The following PDE4D variants were observed in gnomAD, a reference collection of about 807,000 sequenced individuals.
The protein encoded by PDE4D is phosphodiesterase 4D.
A neutral mutation model predicts 87.4 loss-of-function variants in PDE4D; 24 were observed. The observed-to-expected ratio is 0.27, with a 90% CI of 0.20 to 0.39. The LOEUF (loss-of-function observed/expected upper bound fraction) is 0.39. PDE4D is among the 10% of genes least tolerant of loss of function. PDE4D has a pLI of 1.00. For missense variants in PDE4D, 714 were observed against 1,041.0 expected (o/e 0.69, Z 4.32); for synonymous variants, 384 against 383.2 (o/e 1.00, Z -0.02).
At chr5:59,668,232 G>A (rs1429940991) in intron 1 of PDE4D, among the ~76,000 whole-genome samples, 1 of 152,160 alleles carries the variant, frequency 6.6e-6, no homozygotes, top group Non-Finnish European at 1.5e-5. Context: ...TAATTAAAAT[G>A]AGCAAAAACT....
intron 2 of PDE4D, among the ~76,000 whole-genome samples, chr5:60,068,459 A>T (rs7731483): frequency 0.015 from 2,305 of 151,904 alleles, 67 homozygotes; most frequent in African/African-American, 0.053. Context: ...TTTTATTTTA[A>T]CTAATAACCT....
chr5:59,325,102 G>C (rs1389170169), intron 1 of PDE4D, among the ~76,000 whole-genome samples: 2 of 152,100 alleles, frequency 1.3e-5, no homozygotes, highest in African/African-American at 4.8e-5. Context: ...GATGATCACA[G>C]AAATCCTACT....
At chr5:60,113,632 G>A (rs1165525190) in intron 2 of PDE4D, among the ~76,000 whole-genome samples, 1 of 152,006 alleles carries the variant, frequency 6.6e-6, no homozygotes, top group African/African-American at 2.4e-5. Flanking sequence ...CCATGACATT[G>A]GAAGAAATAT....
At chr5:60,050,389 C>T (rs1649267962) in intron 2 of PDE4D, among the ~76,000 whole-genome samples, 1 of 150,364 alleles carries the variant, frequency 6.7e-6, no homozygotes, top group Admixed American at 6.6e-5. Flanking sequence ...TGGCTCCTCC[C>T]CCAGGAAAAG....
At chr5:59,924,031 T>C (rs1754974143) in intron 3 of PDE4D, among the ~76,000 whole-genome samples, 1 of 152,304 alleles carries the variant, frequency 6.6e-6, no homozygotes, top group African/African-American at 2.4e-5. Context: ...ATTTAACAAA[T>C]AGATTGAAAT....
intron 1 of PDE4D, chr5:60,372,393 ATGG>A (rs1040231390): frequency 6.6e-6 from 1 of 152,204 alleles, no homozygotes; most frequent in African/African-American, 2.4e-5. Context: ...GCCTTTCTCA[ATGG>A]TCCACCAATT....
Position 58,988,582 on chromosome 5 carries a change from G to A in PDE4D, c.1463C>T (p.Thr488Ile). The A allele has an allele frequency of 6.8e-7, 1 of 1,480,220 alleles. No homozygotes were observed. The allele number at this position is 1,480,220 out of a possible 1,614,324, so 91.7% of individuals were successfully genotyped here. A position where few individuals can be genotyped will look rare whatever the true frequency, so the allele number is the denominator to read the frequency against. The change falls in exon 11 of 15, where the codon ACA (threonine) becomes ATA (isoleucine). Residue 488 changes from threonine (T) to isoleucine (I), a missense_variant. By Grantham distance (89) the Thr-to-Ile change is moderately conservative. Coordinates refer to ENST00000340635, the MANE Select transcript of PDE4D (RefSeq NM_001104631.2). ...AATTGCTGCAAGAATCTCCAAATCT[G>A]TAAACACAGCCTGGAAAATCAGACA... is the stretch of plus-strand genomic sequence containing the variant. ...LSTPALEAVF[T>I]DLEILAAIFA...
At chr5:59,619,123 C>T (rs1281892971) in intron 1 of PDE4D, among the ~76,000 whole-genome samples, 2 of 152,010 alleles carry the variant, frequency 1.3e-5, no homozygotes, top group East Asian at 1.9e-4. Flanking sequence ...ATTGATTGGA[C>T]ATGAGGGATA....
In PDE4D at chr5:59,123,886, G is replaced by C. The variant is rs571154633; in HGVS notation, c.808+56709C>G. Among the ~76,000 whole-genome samples, 3 of 152,108 alleles carry C rather than the reference G, an allele frequency of 2.0e-5. No homozygotes were observed. The South Asian group carries it at 6.2e-4, about 32-fold the overall frequency. On this transcript the variant is annotated intron_variant, in intron 5 of 14. Coordinates refer to ENST00000340635, the MANE Select transcript of PDE4D (RefSeq NM_001104631.2). ...TAACACTTCTAAGCTACGTGACTCTGGGCAAGTTGCTTAAATTCCCTGAGC... is the reference window on the plus strand; with the variant it reads ...TAACACTTCTAAGCTACGTGACTCTCGGCAAGTTGCTTAAATTCCCTGAGC...
intron 1 of PDE4D, among the ~76,000 whole-genome samples, chr5:59,824,253 CT>C (rs1770051859): frequency 6.6e-6 from 1 of 152,170 alleles, no homozygotes; most frequent in African/African-American, 2.4e-5. Flanking sequence ...TTACATTCTT[CT>C]CTTTTATACA....
At chr5:59,366,513 T>C (rs1783084535) in intron 1 of PDE4D, among the ~76,000 whole-genome samples, 1 of 152,146 alleles carries the variant, frequency 6.6e-6, no homozygotes, top group Non-Finnish European at 1.5e-5. Context: ...TTTGGGATTC[T>C]CTGAAATAAG....
intron 2 of PDE4D, among the ~76,000 whole-genome samples, chr5:59,992,801 C>T (rs1032922496): frequency 6.6e-6 from 1 of 152,134 alleles, no homozygotes; most frequent in African/African-American, 2.4e-5. Context: ...TCTATAAATA[C>T]TTTTATCTTT....
intron 1 of PDE4D, among the ~76,000 whole-genome samples, chr5:60,224,801 A>T (rs1744896488): frequency 6.6e-6 from 1 of 151,790 alleles, no homozygotes; most frequent in Non-Finnish European, 1.5e-5. Flanking sequence ...GAGGAATTAG[A>T]CTCTGTCCCT....
intron 2 of PDE4D, among the ~76,000 whole-genome samples, chr5:60,014,065 C>G (rs1765277476): frequency 6.8e-6 from 1 of 148,124 alleles, no homozygotes; most frequent in African/African-American, 2.5e-5. Flanking sequence ...TGCACTCCAG[C>G]CTGGCAACAG....
chr5:58,997,311 T>C (rs1421122233), intron 6 of PDE4D, among the ~76,000 whole-genome samples: 1 of 152,078 alleles, frequency 6.6e-6, no homozygotes, highest in Non-Finnish European at 1.5e-5. Flanking sequence ...CATAGCTAGA[T>C]GTACTAAAAA....
chr5:59,723,179 T>C (rs1756100272), intron 1 of PDE4D, among the ~76,000 whole-genome samples: 1 of 152,060 alleles, frequency 6.6e-6, no homozygotes, highest in African/African-American at 2.4e-5. Flanking sequence ...TTCAATGTTC[T>C]TGGGTGACAG....
chr5:60,445,322 A>T (rs2150141093), intron 1 of PDE4D, among the ~76,000 whole-genome samples: 1 of 152,346 alleles, frequency 6.6e-6, no homozygotes, highest in Non-Finnish European at 1.5e-5. Context: ...GAATTATATT[A>T]AAAAACTAGA....
At chr5:60,071,531 T>C (rs192890283) in intron 2 of PDE4D, among the ~76,000 whole-genome samples, 98 of 152,280 alleles carry the variant, frequency 6.4e-4, no homozygotes, top group Non-Finnish European at 1.1e-3. Context: ...TCAAAAGATT[T>C]AGCCATCTGG....
chr5:59,416,408 G>T lies in PDE4D; in HGVS notation c.456-200440C>A, dbSNP rs566700676. On this transcript the variant is annotated intron_variant, in intron 1 of 14. Transcript: ENST00000340635. ...CTGTATGCCTGAATTTTTTTCCATG[G>T]GGGTTCGTTCGTAGTCTGATAGTGA... Among the ~76,000 whole-genome samples the T allele has an allele frequency of 2.0e-4, 31 of 152,116 alleles. No homozygotes were observed. In the South Asian group the frequency reaches 6.4e-3, roughly 32 times the overall value.
Sources: gnomAD v4.1 joint callset for allele counts (sites outside exome capture counted in the v4.1 genomes callset) on GRCh38, gnomAD v4.1.1 for gene constraint, MANE v1.5 for transcripts, NCBI Gene and HGNC (gene_info 2026-07-23, HGNC 2026-07-21) for gene names.